Variants in CAMTA1 observed in about 807,000 individuals in gnomAD.
CAMTA1 encodes calmodulin-binding transcription activator 1.
In CAMTA1, 27 loss-of-function variants were observed where a neutral mutation model predicts 170.9. That is an observed-to-expected ratio of 0.16 (90% CI 0.12 to 0.22). The LOEUF is 0.22. CAMTA1 is among the 10% of genes least tolerant of loss of function. The probability of loss-of-function intolerance (pLI) is 1.00; values close to 1 mark genes in which losing one functional copy is unlikely to be tolerated. For missense variants in CAMTA1, 1,619 were observed against 2,217.2 expected (o/e 0.73, Z 5.42); for synonymous variants, 833 against 891.5 (o/e 0.93, Z 1.17).
intron 3 of CAMTA1, among the ~76,000 whole-genome samples, chr1:7,074,753 A>G (rs1458598859): frequency 6.6e-6 from 1 of 152,248 alleles, no homozygotes; most frequent in Non-Finnish European, 1.5e-5. Context: ...TACATAAATT[A>G]GCTCATTTAA....
intron 5 of CAMTA1, among the ~76,000 whole-genome samples, chr1:7,425,798 C>T (rs542178186): frequency 2.4e-4 from 37 of 152,168 alleles, no homozygotes; most frequent in African/African-American, 7.0e-4. Flanking sequence ...GCTTCCTAGA[C>T]GAGGGGACTC....
At chr1:7,116,619 G>T (rs11801958) in intron 4 of CAMTA1, among the ~76,000 whole-genome samples, 66,395 of 151,482 alleles carry the variant, frequency 0.44, 15,668 homozygotes, top group African/African-American at 0.6. Flanking sequence ...TTTGAGTCTT[G>T]CTAAGTATTT....
chr1:7,381,743 A>G (rs2087352729), intron 5 of CAMTA1, among the ~76,000 whole-genome samples: 1 of 147,244 alleles, frequency 6.8e-6, no homozygotes, highest in Non-Finnish European at 1.5e-5. Context: ...GACTTCCACA[A>G]TGGTTGAACT....
intron 5 of CAMTA1, among the ~76,000 whole-genome samples, chr1:7,361,883 T>C (rs1347029603): frequency 6.6e-6 from 1 of 152,242 alleles, no homozygotes; most frequent in African/African-American, 2.4e-5. Flanking sequence ...TTTCTGCACC[T>C]GTCATTTGAT....
At chr1:6,896,337 CTG>C (rs1435049340) in intron 3 of CAMTA1, among the ~76,000 whole-genome samples, 1 of 152,176 alleles carries the variant, frequency 6.6e-6, no homozygotes, top group African/African-American at 2.4e-5. Flanking sequence ...CGATCTGCCT[CTG>C]TGTCCTTCCT....
intron 6 of CAMTA1, among the ~76,000 whole-genome samples, chr1:7,499,948 G>C (rs1215621685): frequency 2.7e-5 from 4 of 145,870 alleles, no homozygotes; most frequent in Non-Finnish European, 4.5e-5. Context: ...GGATGAGTGT[G>C]TGGAGAGGAC....
In CAMTA1 at chr1:7,286,273, A is replaced by G. The variant is rs556720508; in HGVS notation, c.438+36647A>G. On this transcript the variant is annotated intron_variant, in intron 5 of 22. Transcript: ENST00000303635. This position sits in a 1 kb window ranked among gnomAD's most constrained non-coding sequence, Gnocchi z 4.2. ...GGGCATCTGGTGGAGTTGATGGCAC[A>G]GGTGGAGGGGCGGAGGCGCCAGGGT... Among the ~76,000 whole-genome samples the G allele has an allele frequency of 6.6e-4, 100 of 152,312 alleles. 3 individuals are homozygous for G. The South Asian group carries it at 0.02, about 31-fold the overall frequency.
At chr1:6,888,718 T>C (rs1233944953) in intron 3 of CAMTA1, among the ~76,000 whole-genome samples, 3 of 152,244 alleles carry the variant, frequency 2.0e-5, no homozygotes, top group Non-Finnish European at 4.4e-5. Context: ...TCCAGATACC[T>C]CCACAGATGC....
At chr1:7,294,572 C>T (rs1364947230) in intron 5 of CAMTA1, among the ~76,000 whole-genome samples, 1 of 152,226 alleles carries the variant, frequency 6.6e-6, no homozygotes, top group Non-Finnish European at 1.5e-5. Context: ...TCACCCAAAA[C>T]CTCAATGTAG....
At chr1:7,117,226 C>T (rs1264818313) in intron 4 of CAMTA1, among the ~76,000 whole-genome samples, 1 of 152,226 alleles carries the variant, frequency 6.6e-6, no homozygotes, top group Non-Finnish European at 1.5e-5. Context: ...CCGCCTCAGC[C>T]TCCCAAAGTG....
At chr1:7,076,536 A>G (rs1474359295) in intron 3 of CAMTA1, among the ~76,000 whole-genome samples, 2 of 152,320 alleles carry the variant, frequency 1.3e-5, no homozygotes, top group East Asian at 3.9e-4. Context: ...CTGAGGTTCT[A>G]AGGATAGGGC....
At chr1:6,870,299 G>A (rs550564060) in intron 3 of CAMTA1, among the ~76,000 whole-genome samples, 15 of 152,140 alleles carry the variant, frequency 9.9e-5, no homozygotes, top group Admixed American at 2.6e-4. Flanking sequence ...TGTGAGATGA[G>A]CATTCCAGAG....
At chr1:7,091,636 G>T (rs903792503) in intron 4 of CAMTA1, among the ~76,000 whole-genome samples, 3 of 152,242 alleles carry the variant, frequency 2.0e-5, no homozygotes, top group African/African-American at 4.8e-5. Context: ...TGCTTGGAAG[G>T]CTTCACAGGC....
chr1:6,989,714 G>A (rs1374662885), intron 3 of CAMTA1, among the ~76,000 whole-genome samples: 3 of 152,138 alleles, frequency 2.0e-5, no homozygotes, highest in South Asian at 2.1e-4. Context: ...GTGCTACCTC[G>A]GGAAGAGTTT....
chr1:7,460,077 G>A (rs953859353), intron 5 of CAMTA1, among the ~76,000 whole-genome samples: 4 of 152,258 alleles, frequency 2.6e-5, no homozygotes, highest in Admixed American at 2.6e-4. Context: ...GCCGCTCACT[G>A]TGGGTCCCTT....
intron 6 of CAMTA1, among the ~76,000 whole-genome samples, chr1:7,486,405 T>C (rs2093617918): frequency 6.6e-6 from 1 of 152,232 alleles, no homozygotes; most frequent in Non-Finnish European, 1.5e-5. Context: ...CCCAGTCTTG[T>C]ATTGCCTCTG....
At chr1:6,793,532 T>G (rs1248821016) in intron 1 of CAMTA1, among the ~76,000 whole-genome samples, 1 of 152,222 alleles carries the variant, frequency 6.6e-6, no homozygotes, top group African/African-American at 2.4e-5. Flanking sequence ...TCTTTCTCCA[T>G]GTAGCCTGTG....
intron 11 of CAMTA1, among the ~76,000 whole-genome samples, chr1:7,690,323 C>T (rs2096296708): frequency 1.3e-5 from 2 of 152,226 alleles, no homozygotes; most frequent in African/African-American, 4.8e-5. Context: ...AGTGACCTGG[C>T]TCTAGCCCTC....
intron 5 of CAMTA1, among the ~76,000 whole-genome samples, chr1:7,407,712 G>T (rs1488148118): frequency 6.6e-6 from 1 of 152,096 alleles, no homozygotes; most frequent in Non-Finnish European, 1.5e-5. Flanking sequence ...GTGCCAGCCT[G>T]CAGGTCTCTG....
Sources: allele counts gnomAD v4.1 joint callset (sites outside exome capture counted in the v4.1 genomes callset), GRCh38; gene constraint gnomAD v4.1.1; non-coding constraint Gnocchi (gnomAD v3.1); transcripts MANE v1.5; gene names NCBI Gene and HGNC (gene_info 2026-07-23, HGNC 2026-07-21).